Variants in SNTG1 observed in about 807,000 individuals in gnomAD.
SNTG1 encodes the protein gamma-1-syntrophin.
In SNTG1, 39 loss-of-function variants were observed where a neutral mutation model predicts 74.7. The observed-to-expected ratio is 0.52, with a 90% CI of 0.40 to 0.68. The LOEUF is 0.68. SNTG1 is among the 30% of genes least tolerant of loss of function. The probability of loss-of-function intolerance (pLI) is 0.00; values close to 1 mark genes in which losing one functional copy is unlikely to be tolerated. For missense variants in SNTG1, 685 were observed against 609.5 expected (o/e 1.12, Z -1.30); for synonymous variants, 254 against 217.1 (o/e 1.17, Z -1.49).
chr8:50,791,726 A>G (rs2095691093), intron 18 of SNTG1, among the ~76,000 whole-genome samples: 1 of 151,776 alleles, frequency 6.6e-6, no homozygotes, highest in South Asian at 2.1e-4. Context: ...GAAATTTCAT[A>G]TGCTTTATTA....
intron 1 of SNTG1, among the ~76,000 whole-genome samples, chr8:49,962,750 C>T (rs59527594): frequency 0.044 from 6,630 of 152,216 alleles, 494 homozygotes; most frequent in African/African-American, 0.15. Context: ...GCATGCCCCA[C>T]GCCCAGCTAA....
At chr8:50,140,139 A>G (rs886774339) in intron 1 of SNTG1, among the ~76,000 whole-genome samples, 4 of 152,220 alleles carry the variant, frequency 2.6e-5, no homozygotes, top group Non-Finnish European at 5.9e-5. Context: ...ACCAATAAGC[A>G]CTGATGAGGC....
chr8:50,490,823 C>CT (rs2093845383), intron 8 of SNTG1: 1 of 152,544 alleles, frequency 6.6e-6, no homozygotes, highest in African/African-American at 2.4e-5. Flanking sequence ...GCCTGGGTCC[C>CT]ACGTCCTGAG....
chr8:50,579,562 GC>G (rs373950385), intron 12 of SNTG1, among the ~76,000 whole-genome samples: 1,890 of 152,188 alleles, frequency 0.012, 44 homozygotes, highest in African/African-American at 0.042. Context: ...CCTGGTCCAG[GC>G]CCCCCTGCTA....
At chr8:50,099,965 T>G (rs1446513919) in intron 1 of SNTG1, among the ~76,000 whole-genome samples, 1 of 152,076 alleles carries the variant, frequency 6.6e-6, no homozygotes, top group Non-Finnish European at 1.5e-5. Flanking sequence ...TCCTTGGCTT[T>G]TTTTAGTTTG....
At chr8:49,914,197 A>C (rs1805826001) in intron 1 of SNTG1, among the ~76,000 whole-genome samples, 1 of 152,172 alleles carries the variant, frequency 6.6e-6, no homozygotes, top group Non-Finnish European at 1.5e-5. Context: ...ACCAATCTTC[A>C]TTATTGCACA....
intron 17 of SNTG1, among the ~76,000 whole-genome samples, chr8:50,738,265 A>G (rs550770511): frequency 6.6e-6 from 1 of 152,278 alleles, no homozygotes; most frequent in Non-Finnish European, 1.5e-5. Flanking sequence ...TACACCAATA[A>G]CAGACAAACA....
At chr8:50,757,690 A>G (rs760248201) in intron 18 of SNTG1, among the ~76,000 whole-genome samples, 1 of 151,958 alleles carries the variant, frequency 6.6e-6, no homozygotes, top group Non-Finnish European at 1.5e-5. Context: ...TTTTTGATAC[A>G]GTTGGATGAA....
intron 1 of SNTG1, among the ~76,000 whole-genome samples, chr8:50,020,075 CT>C (rs903273208): frequency 2.2e-4 from 34 of 152,248 alleles, no homozygotes; most frequent in African/African-American, 7.9e-4. Context: ...CCACTATACT[CT>C]ATCTTCAGCA....
intron 18 of SNTG1, among the ~76,000 whole-genome samples, chr8:50,752,614 G>C (rs570688724): frequency 7.6e-4 from 115 of 151,922 alleles, no homozygotes; most frequent in Non-Finnish European, 1.5e-3. Context: ...AGAGAAAAGG[G>C]TAAATAACAA....
chr8:50,781,877 G>A (rs2095660618), intron 18 of SNTG1, among the ~76,000 whole-genome samples: 1 of 152,104 alleles, frequency 6.6e-6, no homozygotes, highest in African/African-American at 2.4e-5. Flanking sequence ...GCTTCCTTCA[G>A]GAACTCTTTT....
chr8:49,978,164 C>T (rs1299506821), intron 1 of SNTG1, among the ~76,000 whole-genome samples: 3 of 151,906 alleles, frequency 2.0e-5, no homozygotes, highest in South Asian at 4.1e-4. Flanking sequence ...TAAAGAGATG[C>T]TGGGATATGA....
chr8:50,554,042 C>T (rs2094441830), intron 12 of SNTG1, among the ~76,000 whole-genome samples: 2 of 152,114 alleles, frequency 1.3e-5, no homozygotes, highest in African/African-American at 2.4e-5. Context: ...GTCACCAGCA[C>T]GTGAACACAC....
chr8:50,402,491 C>T (rs1487580810), intron 4 of SNTG1, 147 bp downstream of exon 4: 1 of 975,922 alleles, frequency 1.0e-6, no homozygotes, highest in South Asian at 1.7e-5. Flanking sequence ...ATTAAGTAAT[C>T]AGCGGCCCTG....
intron 1 of SNTG1, among the ~76,000 whole-genome samples, chr8:50,078,125 G>C (rs1012738672): frequency 1.3e-5 from 2 of 152,172 alleles, no homozygotes; most frequent in African/African-American, 4.8e-5. Flanking sequence ...TACCAGTTCA[G>C]TTCCATTGGT....
At chr8:50,485,041 T>C (rs1267955160) in intron 8 of SNTG1, among the ~76,000 whole-genome samples, 3 of 152,172 alleles carry the variant, frequency 2.0e-5, no homozygotes, top group Non-Finnish European at 4.4e-5. Context: ...ACATTCAACA[T>C]GGGTCTGAAT....
chr8:50,413,255 TGC>T (rs1372019372), intron 4 of SNTG1, among the ~76,000 whole-genome samples: 1 of 152,164 alleles, frequency 6.6e-6, no homozygotes, highest in African/African-American at 2.4e-5. Flanking sequence ...GGATGATAGA[TGC>T]ATAGAGGCAT....
upstream of SNTG1, among the ~76,000 whole-genome samples, chr8:49,910,701 C>T (rs1299637504): frequency 6.6e-6 from 1 of 151,968 alleles, no homozygotes; most frequent in East Asian, 1.9e-4. Flanking sequence ...GCGCGGATTC[C>T]GGAGTAGGGA....
intron 16 of SNTG1, among the ~76,000 whole-genome samples, chr8:50,707,536 A>G (rs1225077044): frequency 6.6e-6 from 1 of 152,190 alleles, no homozygotes; most frequent in Non-Finnish European, 1.5e-5. Context: ...GCTTAAACAC[A>G]TGAATGTAAT....
Sources: allele counts gnomAD v4.1 joint callset (sites outside exome capture counted in the v4.1 genomes callset), GRCh38; gene constraint gnomAD v4.1.1; transcripts MANE v1.5; gene names NCBI Gene and HGNC (gene_info 2026-07-23, HGNC 2026-07-21).